The following ADGRA1 variants were observed in gnomAD, a reference collection of about 807,000 sequenced individuals.
ADGRA1 encodes the protein adhesion G protein-coupled receptor A1.
ADGRA1 carries 12 observed loss-of-function variants against 21.3 expected under a neutral mutation model. The ratio of observed to expected loss-of-function variants is 0.56; its 90% CI spans 0.36 to 0.91. The LOEUF (loss-of-function observed/expected upper bound fraction) is 0.91, where lower values mean the gene tolerates loss of function less well. ADGRA1 is among the 40% of genes least tolerant of loss of function. ADGRA1 has a pLI of 0.01. For synonymous variants in ADGRA1, 385 were observed against 368.8 expected (o/e 1.04, Z -0.50); for missense variants, 790 against 805.6 (o/e 0.98, Z 0.23).
rs549998138 is a variant in ADGRA1, at chr10:133,124,900, G to A, written c.402-2333G>A. On this transcript the variant is annotated intron_variant, in intron 5 of 6. Coordinates refer to ENST00000392607, the MANE Select transcript of ADGRA1 (RefSeq NM_001083909.3). Reference sequence around the variant, plus strand: ...GCGGTGACTGCCCAGCGGCGGCGGCGAGAAAAGCGGCGGCCTCCCGCGCCC... The same window carrying A: ...GCGGTGACTGCCCAGCGGCGGCGGCAAGAAAAGCGGCGGCCTCCCGCGCCC... Among the ~76,000 whole-genome samples, 242 of 152,334 alleles carry A rather than the reference G, an allele frequency of 1.6e-3. 1 individual carries two copies. Among genetic ancestry groups the A allele is most frequent in the African/African-American group, 5.5e-3 (229 of 41,582 alleles).
chr10:133,116,797 C>T (rs1471551535), intron 5 of ADGRA1, among the ~76,000 whole-genome samples: 8 of 152,138 alleles, frequency 5.3e-5, no homozygotes, highest in African/African-American at 1.9e-4. Context: ...GACCCCCCAG[C>T]TCTGGTCAGT....
intron 5 of ADGRA1, 61 bp downstream of exon 5, chr10:133,102,903 T>C: frequency 2.6e-6 from 4 of 1,544,910 alleles, no homozygotes; most frequent in Admixed American, 1.8e-5. Context: ...GCATGCACCT[T>C]CTGGGTCTTG....
chr10:133,126,476 G>A (rs1852376303), intron 5 of ADGRA1, among the ~76,000 whole-genome samples: 1 of 151,872 alleles, frequency 6.6e-6, no homozygotes, highest in African/African-American at 2.4e-5. Context: ...GTCCATGGGG[G>A]ATGGTCTCTG....
chr10:133,107,671 C>G (rs1463027337), intron 5 of ADGRA1, among the ~76,000 whole-genome samples: 1 of 152,192 alleles, frequency 6.6e-6, no homozygotes, highest in Admixed American at 6.5e-5. Context: ...TCCTGCATCC[C>G]TGAGCTGTCT....
chr10:133,107,799 T>C (rs1173116104), intron 5 of ADGRA1, among the ~76,000 whole-genome samples: 1 of 152,226 alleles, frequency 6.6e-6, no homozygotes, highest in Non-Finnish European at 1.5e-5. Context: ...GATCTCTAGA[T>C]AGTCAGGGAA....
chr10:133,110,217 T>A (rs1034468933), intron 5 of ADGRA1, among the ~76,000 whole-genome samples: 12 of 152,220 alleles, frequency 7.9e-5, no homozygotes, highest in African/African-American at 2.9e-4. Flanking sequence ...AGCAGCAAAA[T>A]GCAGCAAAGT....
rs777832440 is a variant in ADGRA1, at chr10:133,129,748, G to A, written c.*237G>A. 5.7e-5 allele frequency: 24 copies of A among 423,378 alleles called. 1 individual carries two copies. The highest frequency in any genetic ancestry group is 3.5e-4 in the Admixed American group (9 of 25,734). 26.2% of individuals were successfully genotyped at this position (423,378 alleles called of 1,614,324 possible). Reference sequence around the variant, plus strand: ...AAAGACCTCAGCGGGGAAACGCTCCGGGCCACGCCCACTCCCCTTATCCCA... The same window carrying A: ...AAAGACCTCAGCGGGGAAACGCTCCAGGCCACGCCCACTCCCCTTATCCCA... On this transcript the variant is annotated 3_prime_UTR_variant, in exon 7 of 7. Coordinates refer to ENST00000392607, the MANE Select transcript of ADGRA1 (RefSeq NM_001083909.3).
intron 2 of ADGRA1, among the ~76,000 whole-genome samples, chr10:133,095,454 G>A (rs145212616): frequency 5.1e-4 from 77 of 152,344 alleles, no homozygotes; most frequent in African/African-American, 1.8e-3. Flanking sequence ...AAAGCAAAGT[G>A]TCTGCTGTCA....
At chr10:133,121,414 A>C (rs1474762146) in intron 5 of ADGRA1, among the ~76,000 whole-genome samples, 2 of 144,350 alleles carry the variant, frequency 1.4e-5, no homozygotes, top group African/African-American at 2.6e-5. Flanking sequence ...GCGTGTGTGC[A>C]TGTGTGTGGT....
intron 5 of ADGRA1, among the ~76,000 whole-genome samples, chr10:133,121,712 AGTGTGCGTGTGAGTGTGCTT>A (rs763331946): frequency 4.0e-5 from 5 of 123,818 alleles, no homozygotes; most frequent in Non-Finnish European, 6.6e-5. Context: ...GGAGTGTGCC[AGTGTGCGTGTGAGTGTGCTT>A]GTGTGTGTGG....
chr10:133,122,124 C>T (rs926575287), intron 5 of ADGRA1, among the ~76,000 whole-genome samples: 8 of 152,188 alleles, frequency 5.3e-5, no homozygotes, highest in Non-Finnish European at 1.0e-4. Flanking sequence ...TAAGGAGAGG[C>T]GCAGCATGGA....
At chr10:133,115,968 C>T (rs1463748740) in intron 5 of ADGRA1, among the ~76,000 whole-genome samples, 1 of 152,142 alleles carries the variant, frequency 6.6e-6, no homozygotes, top group Non-Finnish European at 1.5e-5. Context: ...TTATCCCTCC[C>T]GCTCACCTCT....
chr10:133,127,555 A>G (rs1852400389), intron 6 of ADGRA1, among the ~76,000 whole-genome samples: 1 of 152,080 alleles, frequency 6.6e-6, no homozygotes. Context: ...CCTTTGGACA[A>G]GGCAGGCCTG....
At chr10:133,091,313 G>A (rs550205738) in intron 2 of ADGRA1, among the ~76,000 whole-genome samples, 1 of 152,210 alleles carries the variant, frequency 6.6e-6, no homozygotes, top group East Asian at 1.9e-4. Context: ...GTTGCCGTGG[G>A]ATGGGCGGTG....
rs3827690 is a variant in ADGRA1 at position 133,130,029 on chromosome 10, G to T, written c.*518G>T. ...GTGTGTCTTGCGTTCTACTCCGGGG[G>T]TGGCGGCGGCAGGTCTGTCCCCAGC... is the stretch of plus-strand genomic sequence containing the variant. On this transcript the variant is annotated 3_prime_UTR_variant, in exon 7 of 7. Coordinates refer to ENST00000392607, the MANE Select transcript of ADGRA1 (RefSeq NM_001083909.3). 0.2 allele frequency: 30,932 copies of T among 156,798 alleles called. 3,618 individuals are homozygous for T. Among genetic ancestry groups the T allele is most frequent in the East Asian group, 0.47 (2,438 of 5,196 alleles). The allele number at this position is 156,798 out of a possible 1,614,324, so 9.7% of individuals were successfully genotyped here.
chr10:133,109,989 CAGAA>C (rs1423565960), intron 5 of ADGRA1, among the ~76,000 whole-genome samples: 2 of 152,184 alleles, frequency 1.3e-5, no homozygotes, highest in Non-Finnish European at 2.9e-5. Flanking sequence ...TTTGTCTCCA[CAGAA>C]AGATACACTC....
At chr10:133,120,586 G>C (rs568053209) in intron 5 of ADGRA1, among the ~76,000 whole-genome samples, 2 of 152,258 alleles carry the variant, frequency 1.3e-5, no homozygotes, top group Non-Finnish European at 2.9e-5. Flanking sequence ...TGCTAACTTG[G>C]AGCATTTTTT....
intron 5 of ADGRA1, among the ~76,000 whole-genome samples, chr10:133,122,747 G>A (rs1486761555): frequency 2.0e-5 from 3 of 152,032 alleles, no homozygotes; most frequent in Non-Finnish European, 4.4e-5. Context: ...ACCCCTGGCC[G>A]TGCCTCCCTG....
chr10:133,097,806 C>T (rs185372944), intron 3 of ADGRA1, among the ~76,000 whole-genome samples: 97 of 152,274 alleles, frequency 6.4e-4, no homozygotes, highest in African/African-American at 1.8e-3. Context: ...GTGTCTGGTG[C>T]GTCTGGAGAG....
Sources: allele counts gnomAD v4.1 joint callset (sites outside exome capture counted in the v4.1 genomes callset), GRCh38; gene constraint gnomAD v4.1.1; transcripts MANE v1.5; gene names NCBI Gene and HGNC (gene_info 2026-07-23, HGNC 2026-07-21).